The following ERICH6 variants were observed in gnomAD, a reference collection of about 807,000 sequenced individuals.
ERICH6 encodes the protein glutamate rich 6.
A neutral mutation model predicts 71.0 loss-of-function variants in ERICH6; 71 were observed. The observed-to-expected ratio is 1.00, with a 90% CI of 0.83 to 1.22. The LOEUF is 1.22. ERICH6 is among the 50% of genes most tolerant of loss of function. The probability of loss-of-function intolerance (pLI) is 0.00; values close to 1 mark genes in which losing one functional copy is unlikely to be tolerated. For synonymous variants in ERICH6, 262 were observed against 278.4 expected (o/e 0.94, Z 0.59); for missense variants, 808 against 797.2 (o/e 1.01, Z -0.16).
intron 2 of ERICH6, among the ~76,000 whole-genome samples, chr3:150,699,418 T>A (rs967123434): frequency 6.6e-6 from 1 of 152,112 alleles, no homozygotes; most frequent in Non-Finnish European, 1.5e-5. Flanking sequence ...GCCTAGACAC[T>A]CCACAGGAAA....
intron 3 of ERICH6, among the ~76,000 whole-genome samples, chr3:150,691,852 C>T (rs912082854): frequency 1.3e-5 from 2 of 152,058 alleles, no homozygotes; most frequent in Non-Finnish European, 2.9e-5. Flanking sequence ...ATTTTAAACA[C>T]TGACAGCAAT....
intron 10 of ERICH6, among the ~76,000 whole-genome samples, chr3:150,678,202 C>T (rs909190189): frequency 1.3e-5 from 2 of 152,174 alleles, no homozygotes; most frequent in Non-Finnish European, 2.9e-5. Context: ...TAATATGCAA[C>T]TCTTACATTT....
chr3:150,678,712 C>T (rs562240304), intron 9 of ERICH6, among the ~76,000 whole-genome samples, 158 bp from the exon 10 acceptor site: 3 of 151,916 alleles, frequency 2.0e-5, no homozygotes, highest in African/African-American at 7.2e-5. Flanking sequence ...TATTATTCCC[C>T]CTTGTCAAAA....
chr3:150,686,433 G>C (rs1576557586), intron 3 of ERICH6, 79 bp from the exon 4 acceptor site: 1 of 1,132,780 alleles, frequency 8.8e-7, no homozygotes, highest in East Asian at 2.4e-5. Flanking sequence ...ACATCTCTCA[G>C]AAAAATAACT....
chr3:150,697,594 A>G (rs1300684574), intron 3 of ERICH6, among the ~76,000 whole-genome samples: 1 of 152,044 alleles, frequency 6.6e-6, no homozygotes, highest in African/African-American at 2.4e-5. Context: ...GAGCCTGTTG[A>G]TCATTCCTGC....
At position 150,666,791 on chromosome 3, in the gene ERICH6, A is replaced by C. The variant is rs1041787424; in HGVS notation, c.1724T>G (p.Val575Gly). The change falls in exon 13 of 14, where the codon GTG (valine) becomes GGG (glycine). Residue 575 changes from valine (V) to glycine (G), a missense_variant. Val to Gly is a moderately radical substitution (Grantham distance 109). Around this residue, in one of 3 missense-constraint regions of ERICH6, gnomAD observed 736 missense variants for 712.2 expected, o/e 1.03. Transcript: ENST00000295910. ...QQARISVGTKVKLPNPEEIPI... is the reference protein window; with the variant it reads ...QQARISVGTKGKLPNPEEIPI... ...TGTTTTTAAAAATGTACCTACCTTC[A>C]CTTTGGTTCCAACACTGATTCTTGC... 17 of 1,612,878 alleles carry C rather than the reference A, an allele frequency of 1.1e-5. No homozygotes were observed. The African/African-American group carries it at 1.6e-4, about 15-fold the overall frequency.
chr3:150,665,448 C>T (rs1307785776), intron 13 of ERICH6, among the ~76,000 whole-genome samples: 8 of 131,154 alleles, frequency 6.1e-5, no homozygotes, highest in Non-Finnish European at 1.1e-4. Flanking sequence ...ACCCGGGAGG[C>T]GGAGGTTGCA....
chr3:150,693,470 T>C (rs952655469), intron 3 of ERICH6, among the ~76,000 whole-genome samples: 1 of 152,192 alleles, frequency 6.6e-6, no homozygotes, highest in Non-Finnish European at 1.5e-5. Flanking sequence ...ACTTTTATCT[T>C]GGAACTTCAA....
chr3:150,702,345 T>C (rs1014250792), intron 1 of ERICH6, among the ~76,000 whole-genome samples, 167 bp from the exon 2 acceptor site: 2 of 150,940 alleles, frequency 1.3e-5, no homozygotes, highest in Admixed American at 6.6e-5. Context: ...GGCGCGATCT[T>C]GGCTCACTGC....
In ERICH6 at chr3:150,685,799, T is replaced by C; in HGVS notation, c.726A>G (p.Gly242=). 6.2e-7 allele frequency: 1 copy of C among 1,614,178 alleles called. No individual in the cohort carries two copies. The highest frequency in any genetic ancestry group is 8.5e-7 in the Non-Finnish European group (1 of 1,180,034). ...EPSLRTLPSI[G]PPSILAYKEE... is the part of the protein sequence containing the mutation. Reference sequence around the variant, plus strand: ...CTTTGTATGCCAGAATGGATGGTGGTCCGATGCTGGGTAACGTTCTTAGAG... The same window carrying C: ...CTTTGTATGCCAGAATGGATGGTGGCCCGATGCTGGGTAACGTTCTTAGAG... The change falls in exon 6 of 14, where the codon GGA becomes GGG. Residue 242 remains glycine, a synonymous_variant. Coordinates refer to ENST00000295910, the MANE Select transcript of ERICH6 (RefSeq NM_152394.5).
intron 13 of ERICH6, among the ~76,000 whole-genome samples, chr3:150,663,910 T>C (rs1727309473): frequency 6.6e-6 from 1 of 152,032 alleles, no homozygotes; most frequent in Admixed American, 6.6e-5. Context: ...GCAGATGATA[T>C]TTAAGGAAGT....
At chr3:150,668,428 A>T (rs1727493820) in intron 12 of ERICH6, among the ~76,000 whole-genome samples, 1 of 152,180 alleles carries the variant, frequency 6.6e-6, no homozygotes, top group Admixed American at 6.6e-5. Context: ...CCAGTCTAGA[A>T]ACCAACGAAT....
At chr3:150,696,875 A>G (rs1712674662) in intron 3 of ERICH6, among the ~76,000 whole-genome samples, 1 of 152,152 alleles carries the variant, frequency 6.6e-6, no homozygotes, top group African/African-American at 2.4e-5. Flanking sequence ...GATGATTAAA[A>G]TGTGTAACTT....
chr3:150,669,321 A>C lies in ERICH6; in HGVS notation c.1474T>G (p.Cys492Gly), dbSNP rs199684997. The C allele has an allele frequency of 1.0e-4, 166 of 1,611,264 alleles. No homozygotes were observed. In the Middle Eastern group the frequency reaches 1.2e-3, roughly 11 times the overall value. Residue 492 changes from cysteine (C) to glycine (G), a missense_variant, in exon 12 of 14, where the codon TGC becomes GGC. Physicochemically the swap from Cys to Gly is radical, Grantham distance 159. This residue lies in a region of ERICH6 where 736 missense variants were observed against 712.2 expected (regional missense o/e 1.03). Transcript: ENST00000295910. Reference sequence around the variant, plus strand: ...CAGACATTTCCATTGGGATGATAGCAGGAACTTCTGCCAGAGGAATCCAGC... The same window carrying C: ...CAGACATTTCCATTGGGATGATAGCCGGAACTTCTGCCAGAGGAATCCAGC... ...AVLDSSGRSS[C>G]YHPNGNVWVY...
Position 150,678,434 on chromosome 3 carries a change from C to T in ERICH6, c.1232G>A (p.Cys411Tyr). ...LRNSNMSIIC[C>Y]DSRIACGKVV... ...CTTTCCACATGCTATCCGAGAATCA[C>T]AACAAATGATAGACATGTTACTGTT... is the stretch of plus-strand genomic sequence containing the variant. Residue 411 changes from cysteine to tyrosine, a missense_variant, in exon 10 of 14, where the codon TGT becomes TAT. This residue lies in a region of ERICH6 where 736 missense variants were observed against 712.2 expected (regional missense o/e 1.03). Transcript: ENST00000295910. 6.3e-7 allele frequency: 1 copy of T among 1,582,182 alleles called. No homozygotes were observed. The highest frequency in any genetic ancestry group is 8.5e-7 in the Non-Finnish European group (1 of 1,170,138).
intron 3 of ERICH6, among the ~76,000 whole-genome samples, chr3:150,695,873 G>T (rs2108076018): frequency 6.6e-6 from 1 of 151,546 alleles, no homozygotes; most frequent in Admixed American, 6.6e-5. Context: ...TATTAAAAAG[G>T]TATCAATTAT....
chr3:150,674,992 G>A (rs1341592709), intron 10 of ERICH6, among the ~76,000 whole-genome samples: 1 of 152,062 alleles, frequency 6.6e-6, no homozygotes. Flanking sequence ...AATTAGTTGG[G>A]CGTGGTGGCA....
chr3:150,701,707 T>C (rs529105284), intron 2 of ERICH6, among the ~76,000 whole-genome samples: 3 of 152,264 alleles, frequency 2.0e-5, no homozygotes, highest in African/African-American at 4.8e-5. Flanking sequence ...ATAGTTAAAG[T>C]GCCTGAAGGC....
In ERICH6 at chr3:150,685,777, TG is replaced by T. The variant is rs776834757; in HGVS notation, c.747del (p.Tyr249Ter). 1.1e-5 allele frequency: 17 copies of T among 1,614,042 alleles called. No individual in the cohort carries two copies. Among genetic ancestry groups the T allele is most frequent in the Non-Finnish European group, 1.4e-5 (16 of 1,180,028 alleles). ...ATGCCTAAATTGGAGCTCTCTTCTT[TG>T]TATGCCAGAATGGATGGTGGTCCGA... The part of the protein sequence containing the change: ...PSIGPPSILA[Y>X]KEESSNLGIN... On this transcript the variant is annotated frameshift_variant, in exon 6 of 14. Transcript: ENST00000295910. LOFTEE classifies it high-confidence loss of function.
Sources: gnomAD v4.1 joint callset for allele counts (sites outside exome capture counted in the v4.1 genomes callset) on GRCh38, gnomAD v4.1.1 for gene constraint, gnomAD v4.1.1 regional missense constraint, MANE v1.5 for transcripts, NCBI Gene and HGNC (gene_info 2026-07-23, HGNC 2026-07-21) for gene names.